The following DLC1 variants were observed in gnomAD, a reference collection of about 807,000 sequenced individuals.
DLC1 encodes the protein rho GTPase-activating protein 7.
In DLC1, 54 loss-of-function variants were observed where a neutral mutation model predicts 140.3. That is an observed-to-expected ratio of 0.38 (90% CI 0.31 to 0.48). The LOEUF (loss-of-function observed/expected upper bound fraction) is 0.48. Ranked by LOEUF, DLC1 falls within the 20% of genes least tolerant of loss-of-function variation. DLC1 has a pLI of 0.96. For missense variants in DLC1, 2,536 were observed against 1,907.0 expected (o/e 1.33, Z -6.14); for synonymous variants, 986 against 728.1 (o/e 1.35, Z -5.70).
intron 5 of DLC1, among the ~76,000 whole-genome samples, chr8:13,272,388 C>T (rs554318391): frequency 1.1e-4 from 17 of 152,092 alleles, no homozygotes; most frequent in South Asian, 2.1e-4. Flanking sequence ...TTGCAGTGAG[C>T]GGAGATCATG....
chr8:13,187,167 C>T (rs1446682182), intron 5 of DLC1, among the ~76,000 whole-genome samples: 1 of 151,896 alleles, frequency 6.6e-6, no homozygotes, highest in Non-Finnish European at 1.5e-5. Flanking sequence ...TTTTCCATAG[C>T]ACTTATTACC....
At chr8:13,307,225 G>A (rs961863226) in intron 4 of DLC1, among the ~76,000 whole-genome samples, 3 of 151,800 alleles carry the variant, frequency 2.0e-5, no homozygotes, top group Non-Finnish European at 4.4e-5. Flanking sequence ...CCGTTTCTCC[G>A]CATGCTTCCA....
intron 5 of DLC1, among the ~76,000 whole-genome samples, chr8:13,136,453 T>A (rs994386353): frequency 6.6e-6 from 1 of 152,216 alleles, no homozygotes; most frequent in African/African-American, 2.4e-5. Flanking sequence ...CCGGTTCCTG[T>A]GTTAATATGG....
At position 13,455,555 on chromosome 8, in the gene DLC1, C is replaced by G. The variant is rs150085168; in HGVS notation, c.1023+43494G>C. Among the ~76,000 whole-genome samples the G allele has an allele frequency of 4.1e-3, 627 of 152,318 alleles. 8 individuals carry two copies. Among genetic ancestry groups the G allele is most frequent in the African/African-American group, 0.015 (608 of 41,582 alleles). On this transcript the variant is annotated intron_variant, in intron 2 of 17. Transcript: ENST00000276297. The stretch of plus-strand genomic sequence containing the variant: ...GAAGACTCTACAGCTCCTTCACCCC[C>G]ATCTGGAAAACTGGCTCTCTCCCTT...
rs375967785 is a variant in DLC1, at chr8:13,295,660, G to A, written c.1348+9609C>T. Reference sequence around the variant, plus strand: ...TTCCCTGCAGAAAACAAATCAAAGTGCTTCAAGCCAATGGAGGGTCAATAC... The same window carrying A: ...TTCCCTGCAGAAAACAAATCAAAGTACTTCAAGCCAATGGAGGGTCAATAC... On this transcript the variant is annotated intron_variant, in intron 5 of 17. Transcript: ENST00000276297. 3.9e-5 allele frequency among the ~76,000 whole-genome samples: 6 copies of A among 152,246 alleles called. No individual in the cohort carries two copies. The East Asian group carries it at 1.2e-3, about 29-fold the overall frequency.
intron 5 of DLC1, among the ~76,000 whole-genome samples, chr8:13,218,856 TTA>T (rs1327954262): frequency 1.3e-5 from 1 of 75,100 alleles, no homozygotes; most frequent in Non-Finnish European, 2.4e-5. Context: ...AATTATATAA[TTA>T]TATATGAATA....
At chr8:13,443,029 A>C (rs1304144075) in intron 2 of DLC1, among the ~76,000 whole-genome samples, 1 of 152,120 alleles carries the variant, frequency 6.6e-6, no homozygotes, top group African/African-American at 2.4e-5. Flanking sequence ...CAGCCATAAA[A>C]AAGGATGAGT....
chr8:13,347,796 A>G (rs370411614), intron 4 of DLC1, among the ~76,000 whole-genome samples: 2 of 152,196 alleles, frequency 1.3e-5, no homozygotes, highest in East Asian at 1.9e-4. Flanking sequence ...AATACAGAGT[A>G]GAGGCCCTTA....
intron 5 of DLC1, among the ~76,000 whole-genome samples, chr8:13,219,353 A>G (rs1413625731): frequency 1.4e-5 from 2 of 145,298 alleles, no homozygotes; most frequent in Admixed American, 1.4e-4. Context: ...TAAATCATAT[A>G]GTTATATAAT....
At chr8:13,228,858 T>C (rs1828919792) in intron 5 of DLC1, among the ~76,000 whole-genome samples, 1 of 152,058 alleles carries the variant, frequency 6.6e-6, no homozygotes, top group African/African-American at 2.4e-5. Context: ...GCATACAGAA[T>C]GGGGAATGCA....
chr8:13,147,511 C>T (rs1400165628), intron 5 of DLC1, among the ~76,000 whole-genome samples: 2 of 152,146 alleles, frequency 1.3e-5, no homozygotes, highest in African/African-American at 4.8e-5. Context: ...TGTGAATCTG[C>T]ATATTTCACA....
Position 13,099,923 on chromosome 8 carries a change from G to T in DLC1, c.2414C>A (p.Thr805Lys), listed in dbSNP as rs766262406. The T allele has an allele frequency of 3.1e-6, 5 of 1,613,912 alleles. No individual in the cohort carries two copies. The highest frequency in any genetic ancestry group is 1.1e-5 in the South Asian group (1 of 91,086). Reference protein sequence around the residue: ...FKNRESYPEDTVFYIPEDHKP... With the variant: ...FKNRESYPEDKVFYIPEDHKP... ...GTGATCTTCAGGGATGTAGAACACC[G>T]TGTCCTCTGGGTAGCTCTCGCGGTT... is the stretch of plus-strand genomic sequence containing the variant. The change falls in exon 9 of 18, where the codon ACG becomes AAG. Residue 805 changes from threonine (T) to lysine (K), a missense_variant. Physicochemically the swap from Thr to Lys is moderately conservative, Grantham distance 78 (BLOSUM62 -1). Coordinates refer to ENST00000276297, the MANE Select transcript of DLC1 (RefSeq NM_182643.3).
At chr8:13,555,061 T>G (rs1175328869) in intron 1 of DLC1, among the ~76,000 whole-genome samples, 2 of 152,244 alleles carry the variant, frequency 1.3e-5, no homozygotes. Flanking sequence ...TTGGCTGTTC[T>G]CTTAGTCTGT....
chr8:13,265,503 C>T (rs551099878), intron 5 of DLC1, among the ~76,000 whole-genome samples: 10 of 152,288 alleles, frequency 6.6e-5, no homozygotes, highest in African/African-American at 2.4e-4. Flanking sequence ...AAAACATTTT[C>T]TGTGAACTGG....
At chr8:13,300,942 C>T (rs142291098) in intron 5 of DLC1, among the ~76,000 whole-genome samples, 246 of 152,232 alleles carry the variant, frequency 1.6e-3, no homozygotes, top group African/African-American at 5.6e-3. Flanking sequence ...AAAGTGAAGG[C>T]CTGCATGGAA....
intron 2 of DLC1, among the ~76,000 whole-genome samples, chr8:13,426,915 C>T (rs1201861372): frequency 6.6e-6 from 1 of 152,110 alleles, no homozygotes; most frequent in Non-Finnish European, 1.5e-5. Flanking sequence ...AAAAATTTGT[C>T]ATATCACGAG....
intron 5 of DLC1, among the ~76,000 whole-genome samples, chr8:13,170,060 G>C (rs1000991871): frequency 6.6e-6 from 1 of 152,060 alleles, no homozygotes; most frequent in Non-Finnish European, 1.5e-5. Flanking sequence ...AATATTTCAT[G>C]CTTTAGGTCC....
intron 5 of DLC1, among the ~76,000 whole-genome samples, chr8:13,264,749 C>G (rs1830615904): frequency 1.3e-5 from 2 of 152,074 alleles, no homozygotes. Flanking sequence ...ATTGATAAAC[C>G]ATCTAAAGAT....
At position 13,582,597 on chromosome 8, in the gene DLC1, A is replaced by G. The variant is rs143809851; in HGVS notation, c.-126+21940T>C. The stretch of plus-strand genomic sequence containing the variant: ...CAGACTCAAAGTTCATCAATTTTAG[A>G]ACTCGAACTGCTTCTCCTTGCTCTT... On this transcript the variant is annotated intron_variant, in intron 1 of 1. Transcript: ENST00000631382. Among the ~76,000 whole-genome samples the G allele has an allele frequency of 1.4e-3, 212 of 152,066 alleles. 1 individual carries two copies. The highest frequency in any genetic ancestry group is 4.7e-3 in the African/African-American group (196 of 41,502).
Sources: allele counts gnomAD v4.1 joint callset (sites outside exome capture counted in the v4.1 genomes callset), GRCh38; gene constraint gnomAD v4.1.1; transcripts MANE v1.5; gene names NCBI Gene and HGNC (gene_info 2026-07-23, HGNC 2026-07-21).